The following MERTK variants were observed in gnomAD, a reference collection of about 807,000 sequenced individuals.
MERTK encodes MER proto-oncogene, tyrosine kinase, also known as tyrosine-protein kinase Mer.
In MERTK, 69 loss-of-function variants were observed where a neutral mutation model predicts 99.3. The ratio of observed to expected loss-of-function variants is 0.70; its 90% CI spans 0.57 to 0.85. The LOEUF (loss-of-function observed/expected upper bound fraction) is 0.85, where lower values mean the gene tolerates loss of function less well. Among genes scored for constraint, MERTK ranks in the 40% least tolerant of loss-of-function variants. The pLI, the probability that MERTK is intolerant of heterozygous loss-of-function variation, is 0.00. For missense variants in MERTK, 1,125 were observed against 1,249.4 expected, an observed-to-expected ratio of 0.90 and a Z score of 1.50; for synonymous variants, 426 against 467.6, an observed-to-expected ratio of 0.91 and a Z score of 1.15.
At chr2:111,941,657 C>T (rs1684868651) in intron 2 of MERTK, among the ~76,000 whole-genome samples, 1 of 152,108 alleles carries the variant, frequency 6.6e-6, no homozygotes, top group South Asian at 2.1e-4. Context: ...CCACACCCCA[C>T]CCTCCCAGTG....
In MERTK at chr2:111,968,526, CT is replaced by C. The variant is rs946567594; in HGVS notation, c.960+285del. Among the ~76,000 whole-genome samples the C allele has an allele frequency of 1.4e-3, 201 of 144,614 alleles. 1 individual carries two copies. The highest frequency in any genetic ancestry group is 3.3e-3 in the African/African-American group (132 of 39,624). The allele number at this position is 144,614 out of a possible 152,430, so 94.9% of individuals were successfully genotyped here. A position where few individuals can be genotyped will look rare whatever the true frequency, so the allele number is the denominator to read the frequency against. The stretch of plus-strand genomic sequence containing the variant: ...CATGAGACCAGGGAGAGTTCTTCTT[CT>C]TTTTTTTTTTGAGACAAAGTTTTAC... On this transcript the variant is annotated intron_variant, in intron 6 of 18. Transcript: ENST00000295408.
At chr2:111,943,393 G>A (rs1339659700) in intron 2 of MERTK, among the ~76,000 whole-genome samples, 2 of 152,138 alleles carry the variant, frequency 1.3e-5, no homozygotes, top group Admixed American at 6.5e-5. Context: ...ATGTTCCCCG[G>A]CTGAGAACGG....
rs144982533 is a variant in MERTK at position 112,022,618 on chromosome 2, A to C, written c.2486+224A>C. ...GAGCCCACTGAGGCTCACTCATCCAAAGGGCCTCAGTCTCGAACGACAGGC... is the reference window on the plus strand; with the variant it reads ...GAGCCCACTGAGGCTCACTCATCCACAGGGCCTCAGTCTCGAACGACAGGC... On this transcript the variant is annotated intron_variant, in intron 18 of 18. Coordinates refer to ENST00000295408, the MANE Select transcript of MERTK (RefSeq NM_006343.3). The C allele has an allele frequency of 9.7e-4, 753 of 778,552 alleles. 1 individual carries two copies. Among genetic ancestry groups the C allele is most frequent in the Non-Finnish European group, 1.5e-3 (645 of 435,782 alleles). 48.2% of individuals were successfully genotyped at this position (778,552 alleles called of 1,614,324 possible). A position where few individuals can be genotyped will look rare whatever the true frequency, so the allele number is the denominator to read the frequency against.
intron 4 of MERTK, among the ~76,000 whole-genome samples, chr2:111,957,552 A>G (rs988878821): frequency 6.6e-6 from 1 of 151,866 alleles, no homozygotes; most frequent in African/African-American, 2.4e-5. Flanking sequence ...AGTACTTATC[A>G]CCTTCTAATA....
chr2:111,905,295 A>C (rs1001070055), intron 1 of MERTK, among the ~76,000 whole-genome samples: 4 of 152,142 alleles, frequency 2.6e-5, no homozygotes, highest in African/African-American at 9.7e-5. Flanking sequence ...GACAGGCACT[A>C]GGATCTAGGG....
At chr2:112,008,618 C>T in intron 14 of MERTK, 143 bp downstream of exon 14, 1 of 765,586 alleles carries the variant, frequency 1.3e-6, no homozygotes, top group Non-Finnish European at 2.4e-6. Context: ...TTCACCCAGA[C>T]TTTTCTTCAT....
chr2:112,027,799 A>T (rs571451731), intron 18 of MERTK, among the ~76,000 whole-genome samples: 136 of 152,350 alleles, frequency 8.9e-4, no homozygotes, highest in Non-Finnish European at 1.6e-3. Context: ...TCTTAGCCCT[A>T]GCCCCAGGGC....
intron 4 of MERTK, among the ~76,000 whole-genome samples, chr2:111,960,207 G>C (rs548376184): frequency 2.6e-5 from 4 of 152,124 alleles, no homozygotes; most frequent in African/African-American, 9.7e-5. Flanking sequence ...TTGGCTGGAC[G>C]TGGTGGCTCA....
intron 7 of MERTK, among the ~76,000 whole-genome samples, chr2:111,982,015 C>T (rs1676382941): frequency 1.3e-5 from 2 of 151,494 alleles, no homozygotes; most frequent in South Asian, 2.1e-4. Flanking sequence ...CCTTCCCTGC[C>T]TTCTTCTTCT....
At chr2:111,949,705 T>C (rs1395465115) in intron 4 of MERTK, among the ~76,000 whole-genome samples, 1 of 152,158 alleles carries the variant, frequency 6.6e-6, no homozygotes, top group Non-Finnish European at 1.5e-5. Context: ...TATAGAATAT[T>C]GCCATCACTT....
rs762075219 is a variant in MERTK, at chr2:112,009,956, A to G, written c.1969A>G (p.Ile657Val). 1 of 1,609,764 alleles carries G rather than the reference A, an allele frequency of 6.2e-7. No homozygotes were observed. Among genetic ancestry groups the G allele is most frequent in the South Asian group, 1.1e-5 (1 of 90,998 alleles). The change falls in exon 15 of 19, where the codon ATA becomes GTA. Residue 657 changes from isoleucine (I) to valine (V), a missense_variant. Transcript: ENST00000295408. ...TGTGTTTGTAATTTCAGGTGTGTGT[A>G]TAGAAATGAGCTCTCAAGGCATCCC... Reference protein sequence around the residue: ...PNVIRLLGVCIEMSSQGIPKP... With the variant: ...PNVIRLLGVCVEMSSQGIPKP...
intron 4 of MERTK, among the ~76,000 whole-genome samples, chr2:111,964,001 G>A (rs1453623599): frequency 7.1e-6 from 1 of 141,360 alleles, no homozygotes; most frequent in East Asian, 2.0e-4. Flanking sequence ...TGATCATCTG[G>A]CTCAGGTAGT....
intron 4 of MERTK, among the ~76,000 whole-genome samples, chr2:111,957,380 C>T (rs1685168485): frequency 6.6e-6 from 1 of 152,070 alleles, no homozygotes. Context: ...CTAGAACCTC[C>T]CCAGGCCCCC....
At chr2:111,968,648 G>GC in intron 6 of MERTK, among the ~76,000 whole-genome samples, 1 of 152,218 alleles carries the variant, frequency 6.6e-6, no homozygotes, top group East Asian at 1.9e-4. Context: ...TCCTGCCTCA[G>GC]CCCCCTGAGT....
intron 9 of MERTK, among the ~76,000 whole-genome samples, chr2:111,995,947 CCAAAACAAAA>C (rs200729422): frequency 6.6e-6 from 1 of 151,972 alleles, no homozygotes; most frequent in South Asian, 2.1e-4. Flanking sequence ...ACCCCCATCT[CCAAAACAAAA>C]CAAAACAAAA....
At chr2:111,961,156 C>CTTTTT (rs1052197732) in intron 4 of MERTK, among the ~76,000 whole-genome samples, 295 of 98,020 alleles carry the variant, frequency 3.0e-3, no homozygotes, top group Non-Finnish European at 4.1e-3. Flanking sequence ...AATTTTCTTT[C>CTTTTT]TTTTTTTTTT....
chr2:111,994,745 C>T lies in MERTK; in HGVS notation c.1450+341C>T, dbSNP rs116291967. ...AGTGAGTTATGATCACACCACTGTACTCTAGCTAGGTAACAGAGTGAGACC... is the reference window on the plus strand; with the variant it reads ...AGTGAGTTATGATCACACCACTGTATTCTAGCTAGGTAACAGAGTGAGACC... On this transcript the variant is annotated intron_variant, in intron 9 of 18. Transcript: ENST00000295408. The T allele has an allele frequency of 8.7e-3, 3,034 of 347,256 alleles. 78 individuals carry two copies. The highest frequency in any genetic ancestry group is 0.06 in the African/African-American group (2,759 of 45,776). The allele number at this position is 347,256 out of a possible 1,614,324, so 21.5% of individuals were successfully genotyped here.
intron 6 of MERTK, among the ~76,000 whole-genome samples, chr2:111,968,608 A>C (rs896698209): frequency 6.6e-6 from 1 of 151,818 alleles, no homozygotes; most frequent in Non-Finnish European, 1.5e-5. Flanking sequence ...ATCCCGGCTC[A>C]CCGCAAACTC....
At chr2:111,916,671 C>T (rs997840239) in intron 1 of MERTK, among the ~76,000 whole-genome samples, 1 of 152,064 alleles carries the variant, frequency 6.6e-6, no homozygotes, top group Admixed American at 6.6e-5. Context: ...TTTATGATTG[C>T]TTCTTTAAAA....
Sources: gnomAD v4.1 joint callset for allele counts (sites outside exome capture counted in the v4.1 genomes callset) on GRCh38, gnomAD v4.1.1 for gene constraint, MANE v1.5 for transcripts, NCBI Gene and HGNC (gene_info 2026-07-23, HGNC 2026-07-21) for gene names.